TTC28: variants seen among roughly 807,000 people sequenced by gnomAD.
TTC28 encodes the protein tetratricopeptide repeat protein 28.
Under a neutral mutation model 198.0 loss-of-function variants are expected in TTC28, and 61 were observed. That is an observed-to-expected ratio of 0.31 (90% confidence interval 0.25 to 0.38). TTC28 has a LOEUF of 0.38. Among genes scored for constraint, TTC28 ranks in the 10% least tolerant of loss-of-function variants. TTC28 has a pLI of 1.00. For missense variants in TTC28, 2,678 were observed against 3,164.0 expected, an observed-to-expected ratio of 0.85 and a Z score of 3.69; for synonymous variants, 1,171 against 1,297.8, an observed-to-expected ratio of 0.90 and a Z score of 2.10.
intron 2 of TTC28, among the ~76,000 whole-genome samples, chr22:28,380,012 A>G (rs1387557765): frequency 1.3e-5 from 2 of 151,108 alleles, no homozygotes; most frequent in East Asian, 1.9e-4. Context: ...AATTTAGTCA[A>G]TAATACTGTA....
chr22:28,497,045 C>T (rs1252551664), intron 2 of TTC28, among the ~76,000 whole-genome samples: 2 of 152,128 alleles, frequency 1.3e-5, no homozygotes, highest in Non-Finnish European at 2.9e-5. Context: ...TGATAAAGTC[C>T]TCCCTAATGA....
chr22:28,393,194 T>G (rs561484019), intron 2 of TTC28, among the ~76,000 whole-genome samples: 1 of 152,282 alleles, frequency 6.6e-6, no homozygotes, highest in Non-Finnish European at 1.5e-5. Context: ...CTTTCTCATA[T>G]TTTCAAACTA....
At chr22:28,024,349 A>G (rs960338228) in intron 13 of TTC28, among the ~76,000 whole-genome samples, 5 of 152,202 alleles carry the variant, frequency 3.3e-5, no homozygotes, top group Non-Finnish European at 7.3e-5. Context: ...CCCATGCCCA[A>G]GTGAAGACCC....
chr22:28,057,266 T>C (rs959199285), intron 12 of TTC28, among the ~76,000 whole-genome samples: 8 of 152,202 alleles, frequency 5.3e-5, no homozygotes, highest in African/African-American at 1.7e-4. Flanking sequence ...CATAAGCATT[T>C]TAGTAACTCT....
At chr22:28,110,033 T>C (rs1468867518) in intron 6 of TTC28, among the ~76,000 whole-genome samples, 2 of 152,212 alleles carry the variant, frequency 1.3e-5, no homozygotes, top group Non-Finnish European at 2.9e-5. Context: ...TCAGAACTTG[T>C]GGTGGGCAGC....
intron 5 of TTC28, among the ~76,000 whole-genome samples, chr22:28,277,203 G>T (rs1294732593): frequency 6.6e-6 from 1 of 152,146 alleles, no homozygotes; most frequent in African/African-American, 2.4e-5. Context: ...AGAAGAATAT[G>T]TATTATGAAA....
chr22:28,514,229 A>C (rs1027801835), intron 2 of TTC28, among the ~76,000 whole-genome samples: 7 of 152,254 alleles, frequency 4.6e-5, no homozygotes, highest in South Asian at 2.1e-4. Flanking sequence ...CTTAAATAAT[A>C]GTAATGAGAA....
chr22:28,475,368 A>T (rs2048150228), intron 2 of TTC28, among the ~76,000 whole-genome samples: 1 of 151,998 alleles, frequency 6.6e-6, no homozygotes, highest in South Asian at 2.1e-4. Flanking sequence ...CCATTTTGAC[A>T]CACCAATTAA....
intron 2 of TTC28, among the ~76,000 whole-genome samples, chr22:28,363,264 A>G (rs1345302131): frequency 6.6e-6 from 1 of 152,210 alleles, no homozygotes; most frequent in African/African-American, 2.4e-5. Flanking sequence ...AAGGGGCCAG[A>G]GTACAGCTCA....
chr22:28,660,544 A>G (rs938698851), intron 1 of TTC28, among the ~76,000 whole-genome samples: 1 of 150,750 alleles, frequency 6.6e-6, no homozygotes, highest in Non-Finnish European at 1.5e-5. Context: ...TGGTTTTTTG[A>G]GATGGAGTCT....
chr22:28,555,072 T>A (rs545360255), intron 2 of TTC28, among the ~76,000 whole-genome samples: 129 of 152,236 alleles, frequency 8.5e-4, no homozygotes, highest in Non-Finnish European at 9.3e-4. Context: ...AAAGAAGATA[T>A]ACAAATGGCC....
intron 5 of TTC28, among the ~76,000 whole-genome samples, chr22:28,212,717 C>T (rs1271076973): frequency 2.5e-5 from 1 of 40,710 alleles, no homozygotes; most frequent in Non-Finnish European, 5.2e-5. Context: ...GGAGTTGGTA[C>T]CATGCCTTCT....
intron 2 of TTC28, among the ~76,000 whole-genome samples, chr22:28,374,411 T>A (rs962407904): frequency 6.6e-6 from 1 of 152,206 alleles, no homozygotes; most frequent in Admixed American, 6.5e-5. Flanking sequence ...GGGTTCCTCA[T>A]TATCCTTGCC....
chr22:28,586,466 T>A (rs2050320928), intron 2 of TTC28, among the ~76,000 whole-genome samples: 1 of 152,046 alleles, frequency 6.6e-6, no homozygotes, highest in East Asian at 1.9e-4. Flanking sequence ...CTCCATAGAT[T>A]TCTATCTATG....
chr22:28,288,667 G>C (rs1231968594), intron 5 of TTC28, among the ~76,000 whole-genome samples: 1 of 151,698 alleles, frequency 6.6e-6, no homozygotes, highest in African/African-American at 2.4e-5. Context: ...AAAAAAAATA[G>C]CCAGGCGTTG....
intron 2 of TTC28, among the ~76,000 whole-genome samples, chr22:28,389,568 T>C (rs1474359296): frequency 6.7e-6 from 1 of 149,864 alleles, no homozygotes; most frequent in Non-Finnish European, 1.5e-5. Flanking sequence ...GGTTTAGTCT[T>C]GGGAGGGTGT....
chr22:28,511,945 T>C (rs1470597123), intron 2 of TTC28, among the ~76,000 whole-genome samples: 3 of 151,498 alleles, frequency 2.0e-5, no homozygotes, highest in Admixed American at 1.3e-4. Context: ...AATTCCAAGT[T>C]TAATTAATTA....
intron 2 of TTC28, among the ~76,000 whole-genome samples, chr22:28,333,974 C>T (rs1456167347): frequency 3.3e-5 from 5 of 151,640 alleles, no homozygotes; most frequent in African/African-American, 9.7e-5. Flanking sequence ...TAATATTAGG[C>T]ATATCTCCTA....
intron 5 of TTC28, among the ~76,000 whole-genome samples, chr22:28,190,343 A>G (rs991661446): frequency 1.2e-4 from 19 of 152,192 alleles, no homozygotes; most frequent in African/African-American, 4.6e-4. Flanking sequence ...GACTTGCCCA[A>G]GGCCATCCAA....
Sources: gnomAD v4.1 joint callset for allele counts (sites outside exome capture counted in the v4.1 genomes callset) on GRCh38, gnomAD v4.1.1 for gene constraint, MANE v1.5 for transcripts, NCBI Gene and HGNC (gene_info 2026-07-23, HGNC 2026-07-21) for gene names.